The following CDK15 variants were observed in gnomAD, a reference collection of about 807,000 sequenced individuals.
CDK15 encodes cyclin-dependent kinase 15.
In CDK15, 62 loss-of-function variants were observed where a neutral mutation model predicts 60.3. That is an observed-to-expected ratio of 1.03 (90% CI 0.84 to 1.27). CDK15 has a LOEUF of 1.27. CDK15 is among the 50% of genes most tolerant of loss of function. The pLI is 0.00. For synonymous variants in CDK15, 194 were observed against 195.7 expected (o/e 0.99, Z 0.07); for missense variants, 541 against 527.8 (o/e 1.03, Z -0.25).
At chr2:201,873,660 T>C (rs1415786504) in intron 11 of CDK15, among the ~76,000 whole-genome samples, 1 of 152,242 alleles carries the variant, frequency 6.6e-6, no homozygotes, top group African/African-American at 2.4e-5. Flanking sequence ...TTTCTGACGA[T>C]ATAGCACCCA....
At chr2:201,836,176 A>AT (rs56016931) in intron 8 of CDK15, among the ~76,000 whole-genome samples, 4,150 of 100,852 alleles carry the variant, frequency 0.041, 230 homozygotes, top group East Asian at 0.23. Flanking sequence ...ATATTTATAT[A>AT]TTATATATAT....
chr2:201,890,982 G>A, intron 13 of CDK15, 55 bp downstream of exon 13: 1 of 903,454 alleles, frequency 1.1e-6, no homozygotes, highest in Middle Eastern at 2.4e-4. Flanking sequence ...AGCAATTGGT[G>A]CCGGGTGGAG....
At chr2:201,860,866 G>C in intron 10 of CDK15, 1 of 1,351,978 alleles carries the variant, frequency 7.4e-7, no homozygotes, top group Non-Finnish European at 9.8e-7. Flanking sequence ...CACTGCGTCT[G>C]AAACCACTAT....
rs368412630 is a variant in CDK15 at position 201,847,330 on chromosome 2, G to A, written c.852-51G>A. 13 of 1,509,366 alleles carry A rather than the reference G, an allele frequency of 8.6e-6. No individual in the cohort carries two copies. In the East Asian group the frequency reaches 9.0e-5, roughly 11 times the overall value. The allele number at this position is 1,509,366 out of a possible 1,614,324, so 93.5% of individuals were successfully genotyped here. A position where few individuals can be genotyped will look rare whatever the true frequency, so the allele number is the denominator to read the frequency against. ...AGAGAAATTCTAGTAGTTCAGTTTC[G>A]CTTGTATGATTTCTTTCAAAGTGTC... On this transcript the variant is annotated intron_variant, in intron 8 of 13. Transcript: ENST00000652192.
intron 8 of CDK15, among the ~76,000 whole-genome samples, chr2:201,837,345 G>C (rs2105751167): frequency 7.3e-6 from 1 of 137,188 alleles, no homozygotes; most frequent in South Asian, 2.6e-4. Context: ...AAGAGAAGGA[G>C]AGGGAGAGGG....
At chr2:201,890,999 T>A in intron 13 of CDK15, 72 bp downstream of exon 13, 1 of 759,796 alleles carries the variant, frequency 1.3e-6, no homozygotes, top group Middle Eastern at 2.8e-4. Flanking sequence ...GGAGAGGACA[T>A]TGCTCAGGGA....
chr2:201,866,674 G>C (rs1698644520), intron 10 of CDK15, among the ~76,000 whole-genome samples: 1 of 152,164 alleles, frequency 6.6e-6, no homozygotes, highest in African/African-American at 2.4e-5. Flanking sequence ...TATTTTTAGA[G>C]GCTATTGAAG....
In CDK15 at chr2:201,867,661, C is replaced by T. The variant is rs973739692; in HGVS notation, c.1010-4617C>T. Among the ~76,000 whole-genome samples, 17 of 151,988 alleles carry T rather than the reference C, an allele frequency of 1.1e-4. 1 individual carries two copies. The highest frequency in any genetic ancestry group is 2.2e-4 in the Non-Finnish European group (15 of 67,986). ...CCAAAAGAAACTCATAATAACAGTA[C>T]AATAAGTAACCAATGTCTGGACCCT... On this transcript the variant is annotated intron_variant, in intron 10 of 13. Coordinates refer to ENST00000652192, the MANE Select transcript of CDK15 (RefSeq NM_001366386.2).
intron 6 of CDK15, among the ~76,000 whole-genome samples, chr2:201,826,460 A>AAAC: frequency 7.0e-6 from 1 of 142,322 alleles, no homozygotes; most frequent in African/African-American, 2.8e-5. Context: ...CTGCGTCTCA[A>AAAC]AAAAAAAAAA....
At chr2:201,841,155 A>C (rs1037457325) in intron 8 of CDK15, among the ~76,000 whole-genome samples, 2 of 152,216 alleles carry the variant, frequency 1.3e-5, no homozygotes, top group African/African-American at 4.8e-5. Context: ...AAGTAATTGC[A>C]GTTTTTGCCA....
intron 6 of CDK15, among the ~76,000 whole-genome samples, chr2:201,825,490 G>C (rs540287191): frequency 1.7e-5 from 2 of 116,836 alleles, no homozygotes; most frequent in East Asian, 4.4e-4. Context: ...GAGGACAAAG[G>C]GTTAAAGAGA....
chr2:201,836,000 A>ATTTATT (rs1697012619), intron 8 of CDK15, among the ~76,000 whole-genome samples: 1 of 110,516 alleles, frequency 9.0e-6, no homozygotes, highest in Non-Finnish European at 1.8e-5. Context: ...ATTTATATAT[A>ATTTATT]TTTATATTTT....
In CDK15 at chr2:201,876,570, C is replaced by T. The variant is rs1015370581; in HGVS notation, c.1059-3458C>T. On this transcript the variant is annotated intron_variant, in intron 11 of 13. Coordinates refer to ENST00000652192, the MANE Select transcript of CDK15 (RefSeq NM_001366386.2). ...CGCTTTGCCCTGGTGACCACCTCTA[C>T]CGGCGAAGGAGAAGGAGAAGCAAAG... is the stretch of plus-strand genomic sequence containing the variant. The T allele has an allele frequency of 6.2e-6, 8 of 1,288,400 alleles. No individual in the cohort carries two copies. In the East Asian group the frequency reaches 2.8e-4, roughly 45 times the overall value. 79.8% of individuals were successfully genotyped at this position (1,288,400 alleles called of 1,614,324 possible). A position where few individuals can be genotyped will look rare whatever the true frequency, so the allele number is the denominator to read the frequency against.
intron 12 of CDK15, chr2:201,888,749 G>A: frequency 8.5e-7 from 1 of 1,173,566 alleles, no homozygotes; most frequent in Admixed American, 4.4e-5. Context: ...TGCTTTTGAG[G>A]AGCTGCTGCT....
intron 10 of CDK15, among the ~76,000 whole-genome samples, chr2:201,859,566 G>A (rs1698296721): frequency 6.6e-6 from 1 of 152,068 alleles, no homozygotes; most frequent in Admixed American, 6.6e-5. Context: ...CATTTCATTC[G>A]AAGTAGTCAT....
intron 8 of CDK15, among the ~76,000 whole-genome samples, chr2:201,836,006 A>ATTTATT (rs1559125979): frequency 1.2e-5 from 1 of 84,208 alleles, no homozygotes; most frequent in African/African-American, 4.3e-5. Flanking sequence ...ATATATTTAT[A>ATTTATT]TTTTTATATT....
rs1207818067 is a variant in CDK15 at position 201,839,092 on chromosome 2, A to T, written c.851+3329A>T. Among the ~76,000 whole-genome samples, 8 of 152,008 alleles carry T rather than the reference A, an allele frequency of 5.3e-5. No homozygotes were observed. In the East Asian group the frequency reaches 1.2e-3, roughly 22 times the overall value. On this transcript the variant is annotated intron_variant, in intron 8 of 13. Transcript: ENST00000652192. ...GTTATATTGCTTCTAGTCTTCTGTG[A>T]CTTGGCTTTGTTTCATTCAATATGT...
chr2:201,876,459 G>A (rs1056605891), intron 11 of CDK15: 1 of 567,506 alleles, frequency 1.8e-6, no homozygotes, highest in African/African-American at 1.9e-5. Context: ...TGCCAGTGAA[G>A]GTTTGTGTTC....
rs1050026954 is a variant in CDK15 at position 201,843,790 on chromosome 2, A to T, written c.852-3591A>T. Among the ~76,000 whole-genome samples the T allele has an allele frequency of 3.9e-5, 6 of 152,184 alleles. No individual in the cohort carries two copies. The East Asian group carries it at 1.2e-3, about 29-fold the overall frequency. On this transcript the variant is annotated intron_variant, in intron 8 of 13. Transcript: ENST00000652192. ...TTGGCATTTTATCTCTGGAACACAA[A>T]CATCTTGTGTTACTTTATGGTACTT...
Sources: allele counts gnomAD v4.1 joint callset (sites outside exome capture counted in the v4.1 genomes callset), GRCh38; gene constraint gnomAD v4.1.1; transcripts MANE v1.5; gene names NCBI Gene and HGNC (gene_info 2026-07-23, HGNC 2026-07-21).